ZNF529: variants seen among roughly 807,000 people sequenced by gnomAD.
ZNF529 encodes the protein zinc finger protein 529.
Under a neutral mutation model 10.1 loss-of-function variants are expected in ZNF529, and 11 were observed. The observed-to-expected ratio is 1.09, with a 90% CI of 0.69 to 1.81. The LOEUF (loss-of-function observed/expected upper bound fraction) is 1.81, where lower values mean the gene tolerates loss of function less well. Ranked by LOEUF, ZNF529 falls within the 40% of genes most tolerant of loss-of-function variation. The probability of loss-of-function intolerance (pLI) is 0.00; values close to 1 mark genes in which losing one functional copy is unlikely to be tolerated. For synonymous variants in ZNF529, 204 were observed against 215.7 expected (o/e 0.95, Z 0.47); for missense variants, 624 against 666.8 (o/e 0.94, Z 0.71).
At chr19:36,553,618 CTT>C (rs2035346953) in intron 4 of ZNF529, among the ~76,000 whole-genome samples, 1 of 152,156 alleles carries the variant, frequency 6.6e-6, no homozygotes, top group Admixed American at 6.5e-5. Flanking sequence ...AATATGAACT[CTT>C]TATCAATCCA....
chr19:36,579,283 A>G (rs1239765846), intron 2 of ZNF529, among the ~76,000 whole-genome samples: 1 of 152,194 alleles, frequency 6.6e-6, no homozygotes, highest in African/African-American at 2.4e-5. Context: ...AAAGATACAC[A>G]TTAAGTATAA....
At position 36,547,298 on chromosome 19, in the gene ZNF529, T is replaced by G. The variant is rs528447108; in HGVS notation, c.1260A>C (p.Lys420Asn). The G allele has an allele frequency of 6.2e-7, 1 of 1,613,740 alleles. No homozygotes were observed. The highest frequency in any genetic ancestry group is 1.1e-5 in the South Asian group (1 of 91,072). The stretch of plus-strand genomic sequence containing the variant: ...TCTCACATTCTTTACATTTATAGGG[T>G]TTTTCACCAGTATGAATCCTCTGAT... ...TRHQRIHTGE[K>N]PYKCKECEKA... Residue 420 changes from lysine to asparagine, a missense_variant, in exon 5 of 5, where the codon AAA (lysine) becomes AAC (asparagine). Physicochemically the swap from Lys to Asn is moderately conservative, Grantham distance 94. Coordinates refer to ENST00000591340, the MANE Select transcript of ZNF529 (RefSeq NM_020951.5).
intron 2 of ZNF529, among the ~76,000 whole-genome samples, chr19:36,571,845 A>G (rs1171996450): frequency 1.3e-5 from 2 of 151,714 alleles, no homozygotes; most frequent in Non-Finnish European, 2.9e-5. Flanking sequence ...TTTGGTTGTC[A>G]CCACTTAAAT....
At chr19:36,563,150 G>A (rs2035771358) in intron 2 of ZNF529, among the ~76,000 whole-genome samples, 1 of 152,096 alleles carries the variant, frequency 6.6e-6, no homozygotes, top group African/African-American at 2.4e-5. Flanking sequence ...TGCCAGGCGC[G>A]GTGGCTCACG....
intron 1 of ZNF529, among the ~76,000 whole-genome samples, chr19:36,597,514 G>A (rs1023749883): frequency 6.6e-6 from 1 of 152,138 alleles, no homozygotes; most frequent in Non-Finnish European, 1.5e-5. Flanking sequence ...CAGTATCTAC[G>A]AAAACTGAAC....
chr19:36,560,257 CAAAAAAAAAA>C (rs58196878), intron 2 of ZNF529, among the ~76,000 whole-genome samples: 4 of 104,380 alleles, frequency 3.8e-5, no homozygotes, highest in Non-Finnish European at 5.7e-5. Flanking sequence ...AACTCCGTCT[CAAAAAAAAAA>C]AAAAAAAAAA....
At chr19:36,551,309 T>G (rs2035248612) in intron 4 of ZNF529, among the ~76,000 whole-genome samples, 1 of 152,208 alleles carries the variant, frequency 6.6e-6, no homozygotes, top group South Asian at 2.1e-4. Context: ...GGAATGAGCC[T>G]TGGATAAGCT....
intron 2 of ZNF529, chr19:36,587,328 A>G (rs1411163177): frequency 3.3e-5 from 5 of 152,114 alleles, no homozygotes; most frequent in African/African-American, 1.2e-4. Flanking sequence ...AGATACTATG[A>G]ATACACCTAC....
chr19:36,546,731 C>T lies in ZNF529; in HGVS notation c.*135G>A. 2 of 900,870 alleles carry T rather than the reference C, an allele frequency of 2.2e-6. No homozygotes were observed. Among genetic ancestry groups the T allele is most frequent in the Non-Finnish European group, 3.3e-6 (2 of 602,140 alleles). The allele number at this position is 900,870 out of a possible 1,614,324, so 55.8% of individuals were successfully genotyped here. On this transcript the variant is annotated 3_prime_UTR_variant, in exon 5 of 5. Coordinates refer to ENST00000591340, the MANE Select transcript of ZNF529 (RefSeq NM_020951.5). The stretch of plus-strand genomic sequence containing the variant: ...CTATGACTAAGCAATTCTACGTCTA[C>T]ATACAGAATGACCATGAAGTCTAAA...
At chr19:36,561,782 T>C (rs1245036546) in intron 2 of ZNF529, among the ~76,000 whole-genome samples, 4 of 152,248 alleles carry the variant, frequency 2.6e-5, no homozygotes, top group African/African-American at 9.6e-5. Flanking sequence ...CTTCGGGCCT[T>C]TGGGGTCCAA....
At chr19:36,572,296 CA>C in intron 2 of ZNF529, 36 bp downstream of exon 2, 1 of 1,544,372 alleles carries the variant, frequency 6.5e-7, no homozygotes, top group Non-Finnish European at 8.7e-7. Context: ...AAGAGAAAAC[CA>C]AGGGACCAGG....
chr19:36,596,767 G>T (rs143531269), intron 1 of ZNF529, among the ~76,000 whole-genome samples: 4 of 152,078 alleles, frequency 2.6e-5, no homozygotes, highest in African/African-American at 9.6e-5. Flanking sequence ...TGATCTGCCC[G>T]CCTTGGCCTC....
At chr19:36,558,844 A>G (rs2035574883) in intron 2 of ZNF529, among the ~76,000 whole-genome samples, 1 of 152,100 alleles carries the variant, frequency 6.6e-6, no homozygotes, top group African/African-American at 2.4e-5. Context: ...AAGTGAAATG[A>G]CATTCTACAG....
At position 36,556,111 on chromosome 19, in the gene ZNF529, A is replaced by C. The variant is rs1275097719; in HGVS notation, c.101T>G (p.Met34Arg). The C allele has an allele frequency of 6.4e-7, 1 of 1,551,134 alleles. No individual in the cohort carries two copies. Among genetic ancestry groups the C allele is most frequent in the Non-Finnish European group, 8.7e-7 (1 of 1,146,624 alleles). ...FPDQFFTVLT[M>R]DHELVTLRDV... Reference sequence around the variant, plus strand: ...GAGAAGTAGTTAACTTACATGGTCCATGGTTAGAACTGTAAAGAATTGGTC... The same window carrying C: ...GAGAAGTAGTTAACTTACATGGTCCCTGGTTAGAACTGTAAAGAATTGGTC... Residue 34 changes from methionine (M) to arginine (R), a missense_variant, in exon 3 of 5, where the codon ATG (methionine) becomes AGG (arginine). Met to Arg is a moderately conservative substitution (Grantham distance 91). Coordinates refer to ENST00000591340, the MANE Select transcript of ZNF529 (RefSeq NM_020951.5).
In ZNF529 at chr19:36,572,352, C is replaced by A; in HGVS notation, c.-6G>T. The A allele has an allele frequency of 6.5e-7, 1 of 1,550,386 alleles. No individual in the cohort carries two copies. Among genetic ancestry groups the A allele is most frequent in the Non-Finnish European group, 8.7e-7 (1 of 1,146,772 alleles). The stretch of plus-strand genomic sequence containing the variant: ...ACTAACCTTGAGTTGGCCATTAGTA[C>A]CAATGCTGTCTTCCACTTCAGGGGG... On this transcript the variant is annotated 5_prime_UTR_variant, in exon 2 of 5. Coordinates refer to ENST00000591340, the MANE Select transcript of ZNF529 (RefSeq NM_020951.5).
At chr19:36,599,759 T>A (rs764630859) in intron 1 of ZNF529, among the ~76,000 whole-genome samples, 11 of 152,182 alleles carry the variant, frequency 7.2e-5, no homozygotes, top group African/African-American at 1.2e-4. Context: ...GAAAGCTATC[T>A]TTTACTTATT....
At position 36,547,058 on chromosome 19, in the gene ZNF529, A is replaced by G. The variant is rs542011441; in HGVS notation, c.1500T>C (p.His500=). 1.2e-6 allele frequency: 2 copies of G among 1,613,968 alleles called. No homozygotes were observed. Among genetic ancestry groups the G allele is most frequent in the African/African-American group, 2.7e-5 (2 of 75,036 alleles). ...SSALTEHQRI[H]TGEKPYECKA... ...TGCATTCATAGGGTTTTTCTCCAGT[A>G]TGAATTCTCTGATGTTCTGTAAGGG... is the stretch of plus-strand genomic sequence containing the variant. Residue 500 remains histidine, a synonymous_variant, in exon 5 of 5, where the codon CAT becomes CAC. Transcript: ENST00000591340.
chr19:36,557,250 A>G (rs1421400631), intron 2 of ZNF529, among the ~76,000 whole-genome samples: 3 of 152,200 alleles, frequency 2.0e-5, no homozygotes, highest in African/African-American at 7.2e-5. Context: ...TGTACTCCCA[A>G]TGAGCAACAT....
intron 1 of ZNF529, among the ~76,000 whole-genome samples, chr19:36,599,269 A>C (rs943423318): frequency 6.6e-6 from 1 of 152,224 alleles, no homozygotes; most frequent in African/African-American, 2.4e-5. Flanking sequence ...ACATACATAC[A>C]TATATAATTC....
Sources: gnomAD v4.1 joint callset for allele counts (sites outside exome capture counted in the v4.1 genomes callset) on GRCh38, gnomAD v4.1.1 for gene constraint, MANE v1.5 for transcripts, NCBI Gene and HGNC (gene_info 2026-07-23, HGNC 2026-07-21) for gene names.